DYNC1I1: variants seen among roughly 807,000 people sequenced by gnomAD.
The protein encoded by DYNC1I1 is cytoplasmic dynein 1 intermediate chain 1.
Under a neutral mutation model 86.6 loss-of-function variants are expected in DYNC1I1, and 43 were observed. That is an observed-to-expected ratio of 0.50 (90% CI 0.39 to 0.64). The LOEUF is 0.64. Ranked by LOEUF, DYNC1I1 falls within the 30% of genes least tolerant of loss-of-function variation. The probability of loss-of-function intolerance (pLI) is 0.00; values close to 1 mark genes in which losing one functional copy is unlikely to be tolerated. For missense variants in DYNC1I1, 604 were observed against 788.8 expected, an observed-to-expected ratio of 0.77 and a Z score of 2.81; for synonymous variants, 262 against 283.7, an observed-to-expected ratio of 0.92 and a Z score of 0.77.
At chr7:95,880,203 A>T (rs904014099) in intron 6 of DYNC1I1, among the ~76,000 whole-genome samples, 7 of 152,154 alleles carry the variant, frequency 4.6e-5, no homozygotes. Flanking sequence ...ATTGCCTGGA[A>T]ATCTAACCCA....
intron 6 of DYNC1I1, among the ~76,000 whole-genome samples, chr7:95,897,321 T>A (rs946741501): frequency 1.3e-5 from 2 of 148,316 alleles, no homozygotes; most frequent in Non-Finnish European, 3.0e-5. Context: ...TTGTCTAGAG[T>A]GACTCTGAGT....
At chr7:95,893,328 G>T (rs909015358) in intron 6 of DYNC1I1, among the ~76,000 whole-genome samples, 1 of 152,168 alleles carries the variant, frequency 6.6e-6, no homozygotes, top group Non-Finnish European at 1.5e-5. Context: ...CTGTTCATGT[G>T]TTTCTTCATT....
chr7:95,799,105 C>T (rs766226017), intron 1 of DYNC1I1, among the ~76,000 whole-genome samples: 4 of 152,098 alleles, frequency 2.6e-5, no homozygotes, highest in African/African-American at 4.8e-5. Flanking sequence ...ACTGAGGGGC[C>T]GGGTGTGGTG....
chr7:95,852,737 C>T (rs1789613637), intron 5 of DYNC1I1, among the ~76,000 whole-genome samples: 1 of 152,134 alleles, frequency 6.6e-6, no homozygotes, highest in African/African-American at 2.4e-5. Flanking sequence ...AACTCCTGAC[C>T]TCAGGTGATC....
chr7:95,997,116 T>C (rs1404550056), intron 10 of DYNC1I1, among the ~76,000 whole-genome samples: 1 of 152,226 alleles, frequency 6.6e-6, no homozygotes, highest in Non-Finnish European at 1.5e-5. Flanking sequence ...TTTTCTAATT[T>C]GCTGTCTCAA....
At chr7:96,082,297 C>G (rs1790548179) in intron 16 of DYNC1I1, among the ~76,000 whole-genome samples, 1 of 139,062 alleles carries the variant, frequency 7.2e-6, no homozygotes, top group South Asian at 2.4e-4. Flanking sequence ...AAAAAAAAGC[C>G]TTTTCTCTCT....
intron 10 of DYNC1I1, 68 bp from the exon 11 acceptor site, chr7:96,028,107 A>G (rs915824784): frequency 1.9e-6 from 3 of 1,566,070 alleles, no homozygotes; most frequent in African/African-American, 1.4e-5. Flanking sequence ...AACTGTTTTC[A>G]GGAAGAAACA....
chr7:95,876,052 A>G (rs2116198065), intron 6 of DYNC1I1, among the ~76,000 whole-genome samples: 1 of 152,268 alleles, frequency 6.6e-6, no homozygotes, highest in East Asian at 1.9e-4. Flanking sequence ...TTATCATGCC[A>G]GTCACCCCCA....
chr7:96,107,869 G>GT (rs1178550637), intron 16 of DYNC1I1, among the ~76,000 whole-genome samples: 24,049 of 118,978 alleles, frequency 0.2, 2,868 homozygotes, highest in Non-Finnish European at 0.27. Context: ...TCATTGACAG[G>GT]TTTTTTTTTT....
At chr7:95,969,096 C>G (rs905933014) in intron 6 of DYNC1I1, among the ~76,000 whole-genome samples, 11 of 152,158 alleles carry the variant, frequency 7.2e-5, no homozygotes, top group African/African-American at 2.7e-4. Context: ...CTTCCCACAT[C>G]CCATAAAATC....
intron 6 of DYNC1I1, among the ~76,000 whole-genome samples, chr7:95,947,056 T>C (rs987615353): frequency 6.6e-6 from 1 of 152,134 alleles, no homozygotes; most frequent in African/African-American, 2.4e-5. Flanking sequence ...CTGGTACAGG[T>C]AGAAATTTTA....
rs13438199 is a variant in DYNC1I1, at chr7:96,001,962, C to T, written c.969+5889C>T. Among the ~76,000 whole-genome samples the T allele has an allele frequency of 7.4e-3, 1,126 of 152,280 alleles. 8 individuals carry two copies. The highest frequency in any genetic ancestry group is 0.025 in the African/African-American group (1,040 of 41,546). ...TTTTACTATTATTGCATGATAGTCA[C>T]GTGGGAAGAAGCTTAAACCTTGGCA... is the stretch of plus-strand genomic sequence containing the variant. On this transcript the variant is annotated intron_variant, in intron 10 of 16. Coordinates refer to ENST00000447467, the MANE Select transcript of DYNC1I1 (RefSeq NM_001135556.2).
At chr7:96,040,013 C>T (rs1248746021) in intron 14 of DYNC1I1, among the ~76,000 whole-genome samples, 3 of 151,924 alleles carry the variant, frequency 2.0e-5, no homozygotes, top group Non-Finnish European at 4.4e-5. Flanking sequence ...GTGGGTGGAT[C>T]GCTTGAGGTC....
chr7:95,812,488 C>T (rs1487878647), intron 3 of DYNC1I1, among the ~76,000 whole-genome samples: 1 of 152,144 alleles, frequency 6.6e-6, no homozygotes, highest in African/African-American at 2.4e-5. Context: ...TTGAACTTGT[C>T]TCCTGTCTTC....
At chr7:95,803,824 T>G (rs963941377) in intron 1 of DYNC1I1, among the ~76,000 whole-genome samples, 1 of 152,148 alleles carries the variant, frequency 6.6e-6, no homozygotes, top group Non-Finnish European at 1.5e-5. Context: ...TAGTTTTCAT[T>G]TGGGAGCACA....
At chr7:95,940,959 T>C (rs10264940) in intron 6 of DYNC1I1, among the ~76,000 whole-genome samples, 1,537 of 152,306 alleles carry the variant, frequency 0.01, 33 homozygotes, top group African/African-American at 0.035. Context: ...ATGATGGTGA[T>C]GTACAGATGG....
intron 6 of DYNC1I1, among the ~76,000 whole-genome samples, chr7:95,898,295 C>T (rs1790941606): frequency 6.6e-6 from 1 of 152,224 alleles, no homozygotes; most frequent in Admixed American, 6.5e-5. Context: ...GTAGAGTTTT[C>T]AGCCAATTGT....
At chr7:95,779,607 C>T (rs987253659) in intron 1 of DYNC1I1, among the ~76,000 whole-genome samples, 20 of 152,184 alleles carry the variant, frequency 1.3e-4, no homozygotes, top group African/African-American at 4.6e-4. Flanking sequence ...TGAATTTACT[C>T]ATTGACGTTC....
chr7:95,814,209 A>C (rs1794898760), intron 4 of DYNC1I1, among the ~76,000 whole-genome samples: 1 of 152,158 alleles, frequency 6.6e-6, no homozygotes, highest in African/African-American at 2.4e-5. Context: ...CGCATTTTCC[A>C]GTTTTTCTTG....
Sources: gnomAD v4.1 joint callset for allele counts (sites outside exome capture counted in the v4.1 genomes callset) on GRCh38, gnomAD v4.1.1 for gene constraint, MANE v1.5 for transcripts, NCBI Gene and HGNC (gene_info 2026-07-23, HGNC 2026-07-21) for gene names.